Variants in ART3 observed in about 807,000 individuals in gnomAD.
ART3 encodes ecto-ADP-ribosyltransferase 3.
Under a neutral mutation model 48.5 loss-of-function variants are expected in ART3, and 49 were observed. The observed-to-expected ratio is 1.01, with a 90% CI of 0.80 to 1.28. ART3 has a LOEUF of 1.28. ART3 is among the 50% of genes most tolerant of loss of function. ART3 has a pLI of 0.00. For missense variants in ART3, 438 were observed against 454.3 expected (o/e 0.96, Z 0.33); for synonymous variants, 145 against 157.2 (o/e 0.92, Z 0.58).
chr4:76,061,902 G>C (rs1380122114), intron 1 of ART3, among the ~76,000 whole-genome samples: 2 of 152,206 alleles, frequency 1.3e-5, no homozygotes, highest in African/African-American at 4.8e-5. Context: ...TAAGAATTGT[G>C]AACCACTGAA....
chr4:76,100,408 G>A lies in ART3; in HGVS notation c.877+88G>A, dbSNP rs558643229. ...AGCACTTTGGGAGGCCGAGGCGGGA[G>A]GATCATGAGGTCAGGAGATTGAGAC... On this transcript the variant is annotated intron_variant, in intron 6 of 11. Transcript: ENST00000355810. 1.5e-5 allele frequency: 20 copies of A among 1,300,680 alleles called. No individual in the cohort carries two copies. In the Admixed American group the frequency reaches 2.9e-4, roughly 19 times the overall value. The allele number at this position is 1,300,680 out of a possible 1,614,324, so 80.6% of individuals were successfully genotyped here.
At chr4:76,108,105 A>G (rs1728819512) in intron 11 of ART3, among the ~76,000 whole-genome samples, 1 of 151,660 alleles carries the variant, frequency 6.6e-6, no homozygotes, top group Non-Finnish European at 1.5e-5. Flanking sequence ...AAAAAAAAAG[A>G]ACAGTGGTTC....
chr4:76,069,537 G>A (rs9996288), intron 1 of ART3, among the ~76,000 whole-genome samples: 31,303 of 151,466 alleles, frequency 0.21, 5,510 homozygotes, highest in African/African-American at 0.48. Context: ...TTACAGGCAC[G>A]CGCCACCACA....
chr4:76,098,365 C>CT (rs1726490697), intron 4 of ART3, among the ~76,000 whole-genome samples: 1 of 152,068 alleles, frequency 6.6e-6, no homozygotes, highest in African/African-American at 2.4e-5. Flanking sequence ...TGGGTGGATC[C>CT]TTTTGAAGAT....
intron 5 of ART3, 89 bp downstream of exon 5, chr4:76,099,076 TG>T: frequency 1.1e-5 from 13 of 1,187,542 alleles, no homozygotes; most frequent in Non-Finnish European, 1.6e-5. Flanking sequence ...CCGAGGTGAG[TG>T]GATCACTTGA....
chr4:76,037,425 ATTTC>A (rs1734537570), intron 1 of ART3, among the ~76,000 whole-genome samples: 1 of 151,780 alleles, frequency 6.6e-6, no homozygotes, highest in Non-Finnish European at 1.5e-5. Flanking sequence ...GTTTTCTTTG[ATTTC>A]TTTCTAACTT....
chr4:76,034,877 T>C (rs1412658599), intron 1 of ART3: 7 of 1,462,168 alleles, frequency 4.8e-6, no homozygotes, highest in South Asian at 1.2e-5. Flanking sequence ...CCAGGACATC[T>C]AAAAACATGT....
At chr4:76,066,273 C>T (rs200009504) in intron 1 of ART3, among the ~76,000 whole-genome samples, 8 of 27,664 alleles carry the variant, frequency 2.9e-4, no homozygotes, top group Admixed American at 1.4e-3. Context: ...TCTTGTCCTG[C>T]GTCCAGGAAG....
intron 1 of ART3, among the ~76,000 whole-genome samples, chr4:76,050,423 G>C (rs376897050): frequency 6.6e-6 from 1 of 152,062 alleles, no homozygotes; most frequent in African/African-American, 2.4e-5. Flanking sequence ...AGCTAGATAC[G>C]GAGTGTCAAT....
At chr4:76,101,785 T>TACCGGG (rs1727379671) in intron 8 of ART3, among the ~76,000 whole-genome samples, 1 of 152,168 alleles carries the variant, frequency 6.6e-6, no homozygotes, top group Non-Finnish European at 1.5e-5. Context: ...TCCTCAAGGA[T>TACCGGG]ACCGGGACAG....
chr4:76,040,442 A>ACACACACACG (rs778439284), intron 1 of ART3, among the ~76,000 whole-genome samples: 7,043 of 115,432 alleles, frequency 0.061, 304 homozygotes, highest in East Asian at 0.078. Context: ...CTGGATACAC[A>ACACACACACG]CACACACACA....
At chr4:76,083,291 TC>T (rs1722878651) in intron 3 of ART3, among the ~76,000 whole-genome samples, 1 of 152,198 alleles carries the variant, frequency 6.6e-6, no homozygotes, top group African/African-American at 2.4e-5. Flanking sequence ...TTTAGCTATT[TC>T]TTCAGGTGCT....
intron 1 of ART3, among the ~76,000 whole-genome samples, chr4:76,057,464 A>G (rs1200038643): frequency 6.6e-6 from 1 of 152,230 alleles, no homozygotes; most frequent in Non-Finnish European, 1.5e-5. Flanking sequence ...AGTGAAGGAA[A>G]TAAAGGTACT....
chr4:76,036,863 C>T, intron 1 of ART3: 1 of 230,412 alleles, frequency 4.3e-6, no homozygotes, highest in East Asian at 1.1e-4. Context: ...AATTTGAGGG[C>T]CTGTTTGACC....
intron 1 of ART3, among the ~76,000 whole-genome samples, chr4:76,030,258 A>G (rs6845154): frequency 0.61 from 92,864 of 151,906 alleles, 29,452 homozygotes; most frequent in East Asian, 0.94. Flanking sequence ...GGGTTTCACC[A>G]TGTTGGCCAG....
chr4:76,041,641 G>A (rs1325775925), intron 1 of ART3, among the ~76,000 whole-genome samples: 1 of 152,064 alleles, frequency 6.6e-6, no homozygotes, highest in Admixed American at 6.5e-5. Flanking sequence ...TGTAATCAAT[G>A]TGGATATAAA....
At chr4:76,067,832 T>C (rs181357542) in intron 1 of ART3, among the ~76,000 whole-genome samples, 4 of 152,232 alleles carry the variant, frequency 2.6e-5, no homozygotes, top group Admixed American at 6.5e-5. Context: ...AGAAATATCT[T>C]GTTCTGGTGC....
intron 1 of ART3, among the ~76,000 whole-genome samples, chr4:76,067,745 A>G (rs1165202737): frequency 6.6e-6 from 1 of 152,258 alleles, no homozygotes; most frequent in Non-Finnish European, 1.5e-5. Flanking sequence ...TAGTCACTTC[A>G]AAGTTGAAAG....
In ART3 at chr4:76,021,932, A is replaced by G. The variant is rs1126858; in HGVS notation, c.-10+10612A>G. 181 of 1,611,856 alleles carry G rather than the reference A, an allele frequency of 1.1e-4. No homozygotes were observed. In the Admixed American group the frequency reaches 1.4e-3, roughly 13 times the overall value. ...ATCGATTTTGCTCCCCTCTGGTTTTAAGGAGATCTTTTAGACCTGTAAGAA... is the reference window on the plus strand; with the variant it reads ...ATCGATTTTGCTCCCCTCTGGTTTTGAGGAGATCTTTTAGACCTGTAAGAA... On this transcript the variant is annotated intron_variant, in intron 1 of 9. Coordinates refer to the ART3 transcript ENST00000341029.
Sources: gnomAD v4.1 joint callset for allele counts (sites outside exome capture counted in the v4.1 genomes callset) on GRCh38, gnomAD v4.1.1 for gene constraint, MANE v1.5 for transcripts, NCBI Gene and HGNC (gene_info 2026-07-23, HGNC 2026-07-21) for gene names.